The following GNA13 variants were observed in gnomAD, a reference collection of about 807,000 sequenced individuals.
GNA13 encodes the protein guanine nucleotide-binding protein subunit alpha-13.
In GNA13, 4 loss-of-function variants were observed where a neutral mutation model predicts 33.5. The observed-to-expected ratio is 0.12, with a 90% CI of 0.06 to 0.27. The LOEUF is 0.27. Ranked by LOEUF, GNA13 falls within the 10% of genes least tolerant of loss-of-function variation. GNA13 has a pLI of 1.00. For synonymous variants in GNA13, 176 were observed against 183.8 expected, an observed-to-expected ratio of 0.96 and a Z score of 0.34; for missense variants, 319 against 487.2, an observed-to-expected ratio of 0.65 and a Z score of 3.25.
chr17:65,026,383 G>C (rs1281969378), intron 2 of GNA13, among the ~76,000 whole-genome samples: 2 of 152,112 alleles, frequency 1.3e-5, no homozygotes, highest in Non-Finnish European at 2.9e-5. Context: ...ATGATCTATA[G>C]TTATATCAGG....
intron 2 of GNA13, among the ~76,000 whole-genome samples, chr17:65,051,577 C>G (rs1382684113): frequency 2.0e-5 from 3 of 151,936 alleles, no homozygotes; most frequent in African/African-American, 7.3e-5. Flanking sequence ...CCACTGCACT[C>G]CAGCCTGGGC....
At chr17:65,023,449 T>G (rs1906662560) in intron 2 of GNA13, among the ~76,000 whole-genome samples, 1 of 152,218 alleles carries the variant, frequency 6.6e-6, no homozygotes, top group African/African-American at 2.4e-5. Flanking sequence ...GGAACTGATT[T>G]CTTTTCCTGA....
chr17:65,037,356 G>A (rs998015937), intron 2 of GNA13, among the ~76,000 whole-genome samples: 2 of 152,026 alleles, frequency 1.3e-5, no homozygotes, highest in Non-Finnish European at 2.9e-5. Flanking sequence ...CCACTTCCTC[G>A]CCTCTCTCTC....
chr17:65,040,406 A>G (rs1032339459), intron 2 of GNA13, among the ~76,000 whole-genome samples: 4 of 152,238 alleles, frequency 2.6e-5, no homozygotes, highest in African/African-American at 9.6e-5. Flanking sequence ...AATCATTTGT[A>G]TTATAATATT....
chr17:65,028,426 A>T (rs796748359), intron 2 of GNA13, among the ~76,000 whole-genome samples: 5,603 of 151,214 alleles, frequency 0.037, 383 homozygotes, highest in African/African-American at 0.13. Flanking sequence ...AAAAAAAAAA[A>T]ATACCACCTA....
Position 65,018,463 on chromosome 17 carries a change from C to G in GNA13, c.511-160G>C, listed in dbSNP as rs547718169. ...ACCTTCCTAAAAACATATAAAACGTCTGCTCTGTCACAGACTGCTAAATCT... is the reference window on the plus strand; with the variant it reads ...ACCTTCCTAAAAACATATAAAACGTGTGCTCTGTCACAGACTGCTAAATCT... On this transcript the variant is annotated intron_variant, in intron 2 of 3. Coordinates refer to ENST00000439174, the MANE Select transcript of GNA13 (RefSeq NM_006572.6). Among the ~76,000 whole-genome samples the G allele has an allele frequency of 3.3e-5, 5 of 152,314 alleles. No individual in the cohort carries two copies. The East Asian group carries it at 9.6e-4, about 29-fold the overall frequency.
chr17:65,019,241 G>C (rs900155603), intron 2 of GNA13, among the ~76,000 whole-genome samples: 1 of 152,144 alleles, frequency 6.6e-6, no homozygotes, highest in African/African-American at 2.4e-5. Context: ...GAGTCACAAA[G>C]CTTGAAAGTA....
intron 1 of GNA13, among the ~76,000 whole-genome samples, chr17:65,054,603 G>T (rs1052900726): frequency 6.6e-6 from 1 of 152,108 alleles, no homozygotes; most frequent in Non-Finnish European, 1.5e-5. Flanking sequence ...GAGCCACCAC[G>T]CCCAGCCTGA....
chr17:65,038,609 G>A (rs1038435209), intron 2 of GNA13, among the ~76,000 whole-genome samples: 7 of 151,770 alleles, frequency 4.6e-5, no homozygotes, highest in South Asian at 2.1e-4. Flanking sequence ...ACGGGGTTGC[G>A]GGGGGGCGTT....
At chr17:65,044,315 C>T (rs1345666491) in intron 2 of GNA13, among the ~76,000 whole-genome samples, 1 of 152,160 alleles carries the variant, frequency 6.6e-6, no homozygotes, top group African/African-American at 2.4e-5. Context: ...TACTGCTCTG[C>T]TAATGTGGCT....
chr17:65,018,777 G>A (rs1906475536), intron 2 of GNA13, among the ~76,000 whole-genome samples: 1 of 152,066 alleles, frequency 6.6e-6, no homozygotes, highest in Non-Finnish European at 1.5e-5. Context: ...CCAACCACAG[G>A]CATGGACAGG....
Position 65,011,673 on chromosome 17 carries a change from C to T in GNA13, c.*2584G>A, listed in dbSNP as rs1459460785. ...ATTCAGATTTAAGAACAGAATGTAA[C>T]ACAGGATTAGGCACATTTTATTCCA... On this transcript the variant is annotated 3_prime_UTR_variant, in exon 4 of 4. Transcript: ENST00000439174. The T allele has an allele frequency of 1.3e-5, 3 of 225,818 alleles. No individual in the cohort carries two copies. The Admixed American group carries it at 1.7e-4, about 13-fold the overall frequency. 14.0% of individuals were successfully genotyped at this position (225,818 alleles called of 1,614,324 possible). A position where few individuals can be genotyped will look rare whatever the true frequency, so the allele number is the denominator to read the frequency against.
chr17:65,020,902 C>T (rs983586226), intron 2 of GNA13, among the ~76,000 whole-genome samples: 15 of 152,098 alleles, frequency 9.9e-5, no homozygotes, highest in Non-Finnish European at 1.9e-4. Context: ...CCACCCGTCT[C>T]GGCCTCCCAA....
intron 2 of GNA13, among the ~76,000 whole-genome samples, chr17:65,034,210 A>C (rs1383944383): frequency 2.0e-5 from 3 of 152,058 alleles, no homozygotes; most frequent in African/African-American, 7.2e-5. Flanking sequence ...CTAGCATATA[A>C]GCTACAAAAA....
intron 2 of GNA13, among the ~76,000 whole-genome samples, chr17:65,020,886 G>T (rs1906558093): frequency 6.6e-6 from 1 of 152,014 alleles, no homozygotes; most frequent in Non-Finnish European, 1.5e-5. Flanking sequence ...CCTGACCTCA[G>T]GTGATCCACC....
intron 3 of GNA13, among the ~76,000 whole-genome samples, chr17:65,016,617 C>T (rs1329527261): frequency 6.6e-6 from 1 of 152,240 alleles, no homozygotes; most frequent in Non-Finnish European, 1.5e-5. Context: ...CCGCCTCAGC[C>T]TCCCAATGTG....
intron 1 of GNA13, among the ~76,000 whole-genome samples, 199 bp downstream of exon 1, chr17:65,056,112 C>G (rs1255581802): frequency 6.6e-6 from 1 of 151,898 alleles, no homozygotes; most frequent in Non-Finnish European, 1.5e-5. Context: ...CGACCCCGAG[C>G]ATCCTCTCGC....
intron 2 of GNA13, among the ~76,000 whole-genome samples, chr17:65,027,899 G>A (rs1363341295): frequency 3.3e-5 from 5 of 152,146 alleles, no homozygotes; most frequent in African/African-American, 4.8e-5. Flanking sequence ...GAGGCCAGGA[G>A]TTTAAGACCA....
In GNA13 at chr17:65,010,279, T is replaced by C. The variant is rs1906141624; in HGVS notation, c.*3978A>G. ...CAGCCTAAGACTAGTATCTACTTGATGGAACTTGAAAAAGCCATAAAGTCC... is the reference window on the plus strand; with the variant it reads ...CAGCCTAAGACTAGTATCTACTTGACGGAACTTGAAAAAGCCATAAAGTCC... On this transcript the variant is annotated 3_prime_UTR_variant, in exon 4 of 4. Transcript: ENST00000439174. Among the ~76,000 whole-genome samples, 1 of 152,058 alleles carries C rather than the reference T, an allele frequency of 6.6e-6. No individual in the cohort carries two copies. The highest frequency in any genetic ancestry group is 1.5e-5 in the Non-Finnish European group (1 of 68,030).
Sources: gnomAD v4.1 joint callset for allele counts (sites outside exome capture counted in the v4.1 genomes callset) on GRCh38, gnomAD v4.1.1 for gene constraint, MANE v1.5 for transcripts, NCBI Gene and HGNC (gene_info 2026-07-23, HGNC 2026-07-21) for gene names.